DGKD: variants seen among roughly 807,000 people sequenced by gnomAD.
The protein encoded by DGKD is DAG kinase delta.
A neutral mutation model predicts 154.4 loss-of-function variants in DGKD; 68 were observed. That is an observed-to-expected ratio of 0.44 (90% CI 0.36 to 0.54). The LOEUF (loss-of-function observed/expected upper bound fraction) is 0.54. Ranked by LOEUF, DGKD falls within the 20% of genes least tolerant of loss-of-function variation. The pLI, the probability that DGKD is intolerant of heterozygous loss-of-function variation, is 0.00. For synonymous variants in DGKD, 693 were observed against 638.0 expected (o/e 1.09, Z -1.30); for missense variants, 1,343 against 1,593.6 (o/e 0.84, Z 2.68).
chr2:233,444,901 C>T (rs1412725298), intron 10 of DGKD, among the ~76,000 whole-genome samples: 2 of 151,846 alleles, frequency 1.3e-5, no homozygotes, highest in Non-Finnish European at 2.9e-5. Context: ...CCTGGTCACT[C>T]TGTTGTCAGA....
At position 233,438,269 on chromosome 2, in the gene DGKD, C is replaced by T. The variant is rs920110767; in HGVS notation, c.975C>T (p.Phe325=). The change falls in exon 9 of 30, where the codon TTC becomes TTT. Residue 325 remains phenylalanine (F), a synonymous_variant. Coordinates refer to ENST00000264057, the MANE Select transcript of DGKD (RefSeq NM_152879.3). The surrounding 1 kb of genome is among the most constrained non-coding windows in gnomAD (Gnocchi z 4.1). ...CTTGCACAAGCCCACTGTTGGTCTT[C>T]GTCAATTCAAAAAGTGGGGACAACC... is the stretch of plus-strand genomic sequence containing the variant. ...PPSCTSPLLV[F]VNSKSGDNQG... is the part of the protein sequence containing the mutation. The T allele has an allele frequency of 1.3e-5, 21 of 1,614,006 alleles. No individual in the cohort carries two copies. Among genetic ancestry groups the T allele is most frequent in the East Asian group, 4.5e-5 (2 of 44,898 alleles).
intron 3 of DGKD, among the ~76,000 whole-genome samples, chr2:233,399,339 T>C (rs1231879786): frequency 6.6e-6 from 1 of 152,224 alleles, no homozygotes. Flanking sequence ...CAGAATGATT[T>C]GGGCCCTGCC....
intron 14 of DGKD, 54 bp downstream of exon 14, chr2:233,448,429 C>G: frequency 6.5e-7 from 1 of 1,544,150 alleles, no homozygotes; most frequent in Non-Finnish European, 8.9e-7. Context: ...GAAGCTTGCT[C>G]TGTCACCAGC....
intron 1 of DGKD, among the ~76,000 whole-genome samples, chr2:233,368,999 C>G (rs978350236): frequency 6.6e-6 from 1 of 152,176 alleles, no homozygotes; most frequent in Non-Finnish European, 1.5e-5. Context: ...CTAGGAGTTT[C>G]AAGATTTCAG....
rs1252370147 is a variant in DGKD at position 233,438,869 on chromosome 2, A to C, written c.1085+490A>C. On this transcript the variant is annotated intron_variant, in intron 9 of 29. Coordinates refer to ENST00000264057, the MANE Select transcript of DGKD (RefSeq NM_152879.3). The surrounding 1 kb of genome is among the most constrained non-coding windows in gnomAD (Gnocchi z 4.1). ...TCTTTGTAACAGCTGCCTAACATTG[A>C]GGAAGAAGCTGTCCTGCAGCGAGGC... is the stretch of plus-strand genomic sequence containing the variant. Among the ~76,000 whole-genome samples, 4 of 151,854 alleles carry C rather than the reference A, an allele frequency of 2.6e-5. No homozygotes were observed. The highest frequency in any genetic ancestry group is 9.7e-5 in the African/African-American group (4 of 41,286).
At chr2:233,365,923 A>G (rs1702003655) in intron 1 of DGKD, among the ~76,000 whole-genome samples, 1 of 152,240 alleles carries the variant, frequency 6.6e-6, no homozygotes. Flanking sequence ...AAAAGAAGAC[A>G]TGCTGAAAAT....
chr2:233,399,855 AT>A (rs2061514999), intron 3 of DGKD, among the ~76,000 whole-genome samples: 1 of 152,010 alleles, frequency 6.6e-6, no homozygotes, highest in Non-Finnish European at 1.5e-5. Context: ...GAGGTGAGAG[AT>A]GGGGCCTGAG....
intron 3 of DGKD, among the ~76,000 whole-genome samples, chr2:233,418,794 T>G (rs1028019305): frequency 1.3e-5 from 2 of 151,938 alleles, no homozygotes; most frequent in African/African-American, 4.8e-5. Flanking sequence ...GACAGCTGTT[T>G]GGGCCCACGT....
At position 233,457,852 on chromosome 2, in the gene DGKD, T is replaced by A. The variant is rs78859075; in HGVS notation, c.2581-432T>A. The A allele has an allele frequency of 9.1e-3, 3,080 of 337,200 alleles. 34 individuals carry two copies. The highest frequency in any genetic ancestry group is 0.031 in the East Asian group (415 of 13,340). The allele number at this position is 337,200 out of a possible 1,614,324, so 20.9% of individuals were successfully genotyped here. On this transcript the variant is annotated intron_variant, in intron 21 of 29. Transcript: ENST00000264057. This position sits in a 1 kb window ranked among gnomAD's most constrained non-coding sequence, Gnocchi z 5.5. Reference sequence around the variant, plus strand: ...AGCTGGGGAAGAAGTTTGGAATTTGTGTTAAGAACTGTGGGAAGGTGTTGA... The same window carrying A: ...AGCTGGGGAAGAAGTTTGGAATTTGAGTTAAGAACTGTGGGAAGGTGTTGA...
chr2:233,457,027 T>C lies in DGKD; in HGVS notation c.2472+32T>C, dbSNP rs535221915. 6.3e-5 allele frequency: 99 copies of C among 1,560,100 alleles called. No individual in the cohort carries two copies. In the South Asian group the frequency reaches 6.7e-4, roughly 10 times the overall value. ...GGGAGGGTCCTTGTCACCTGCAGGC[T>C]GGCCTCCATCCATCAGCAGACTGCC... On this transcript the variant is annotated intron_variant, in intron 20 of 29. Coordinates refer to ENST00000264057, the MANE Select transcript of DGKD (RefSeq NM_152879.3). The surrounding 1 kb of genome is among the most constrained non-coding windows in gnomAD (Gnocchi z 5.5).
chr2:233,467,057 T>G (rs1342344892), intron 27 of DGKD, 29 bp from the exon 28 acceptor site: 2 of 1,560,452 alleles, frequency 1.3e-6, no homozygotes, highest in South Asian at 1.1e-5. Context: ...TGCAGCCTGA[T>G]TCTCAGTATT....
intron 1 of DGKD, among the ~76,000 whole-genome samples, chr2:233,366,008 TGAG>T (rs1038457912): frequency 4.6e-5 from 7 of 151,934 alleles, no homozygotes; most frequent in Admixed American, 1.3e-4. Context: ...TATAGAAGAA[TGAG>T]GAGGAGGAGG....
intron 10 of DGKD, chr2:233,442,487 A>G: frequency 3.5e-6 from 1 of 282,322 alleles, no homozygotes; most frequent in South Asian, 3.9e-5. Context: ...CGGCCTCCCC[A>G]GGTGATCAGC....
intron 3 of DGKD, among the ~76,000 whole-genome samples, chr2:233,394,319 T>G (rs1703848741): frequency 6.6e-6 from 1 of 152,080 alleles, no homozygotes; most frequent in Admixed American, 6.5e-5. Flanking sequence ...TATGACTCAC[T>G]GCAGCCTTAA....
At chr2:233,379,965 AT>A (rs985543822) in intron 1 of DGKD, 3 of 152,200 alleles carry the variant, frequency 2.0e-5, no homozygotes, top group Non-Finnish European at 2.9e-5. Context: ...GGTAACCTGC[AT>A]TTTTAACAAA....
At chr2:233,460,882 ACT>A (rs1421959799) in intron 24 of DGKD, among the ~76,000 whole-genome samples, 1 of 151,586 alleles carries the variant, frequency 6.6e-6, no homozygotes, top group Admixed American at 6.6e-5. Flanking sequence ...ACAGAGCAAG[ACT>A]CTGCCTCAAA....
chr2:233,464,155 C>A lies in DGKD; in HGVS notation c.3187-9C>A. ...TCCATTTCTCTCTCCCTCCCTCCGC[C>A]TGGAGCAGCAGCTGGATCCGCCTCA... On this transcript the variant is annotated splice_polypyrimidine_tract_variant and intron_variant, in intron 26 of 29. Transcript: ENST00000264057. The A allele has an allele frequency of 2.5e-6, 4 of 1,613,332 alleles. No homozygotes were observed. Among genetic ancestry groups the A allele is most frequent in the Non-Finnish European group, 3.4e-6 (4 of 1,180,034 alleles).
At chr2:233,377,208 G>A (rs182651822) in intron 1 of DGKD, among the ~76,000 whole-genome samples, 31 of 150,432 alleles carry the variant, frequency 2.1e-4, no homozygotes, top group Admixed American at 5.3e-4. Context: ...TCAGCCTCCC[G>A]AGTAGCTGTG....
In DGKD at chr2:233,434,376, C is replaced by G. The variant is rs1451529925; in HGVS notation, c.349-4C>G. On this transcript the variant is annotated splice_region_variant and splice_polypyrimidine_tract_variant and intron_variant, in intron 3 of 29. Transcript: ENST00000264057. ...GGATCTGTTGAACCTGTTTCTTTCT[C>G]TAGGTCATAACTCCATGCAGGAAGC... 1.9e-6 allele frequency: 3 copies of G among 1,612,636 alleles called. No individual in the cohort carries two copies. In the African/African-American group the frequency reaches 4.0e-5, roughly 22 times the overall value.
Sources: allele counts gnomAD v4.1 joint callset (sites outside exome capture counted in the v4.1 genomes callset), GRCh38; gene constraint gnomAD v4.1.1; non-coding constraint Gnocchi (gnomAD v3.1); transcripts MANE v1.5; gene names NCBI Gene and HGNC (gene_info 2026-07-23, HGNC 2026-07-21).